Variants in MOB3A observed in about 807,000 individuals in gnomAD.
MOB3A encodes MOB kinase activator 3A, also known as MOB LAK.
A neutral mutation model predicts 17.8 loss-of-function variants in MOB3A; 17 were observed. The ratio of observed to expected loss-of-function variants is 0.95; its 90% CI spans 0.65 to 1.43. The LOEUF (loss-of-function observed/expected upper bound fraction) is 1.43, where lower values mean the gene tolerates loss of function less well. Ranked by LOEUF, MOB3A falls within the 40% of genes most tolerant of loss-of-function variation. The probability of loss-of-function intolerance (pLI) is 0.00; values close to 1 mark genes in which losing one functional copy is unlikely to be tolerated. For missense variants in MOB3A, 333 were observed against 310.8 expected, an observed-to-expected ratio of 1.07 and a Z score of -0.54; for synonymous variants, 124 against 133.2, an observed-to-expected ratio of 0.93 and a Z score of 0.48.
chr19:2,081,828 G>C lies in MOB3A; in HGVS notation c.-119-3149C>G, dbSNP rs1409168608. ...GAACCTGGGAGGCAGAGGTTGCAGT[G>C]AGCCAAGGTCGGGCCTCTGTACTCC... is the stretch of plus-strand genomic sequence containing the variant. On this transcript the variant is annotated intron_variant, in intron 2 of 4. Coordinates refer to ENST00000357066, the MANE Select transcript of MOB3A (RefSeq NM_130807.3). Among the ~76,000 whole-genome samples the C allele has an allele frequency of 2.6e-5, 4 of 152,216 alleles. No homozygotes were observed. The East Asian group carries it at 5.8e-4, about 22-fold the overall frequency.
At chr19:2,088,555 C>T (rs1212518500) in intron 1 of MOB3A, among the ~76,000 whole-genome samples, 1 of 152,146 alleles carries the variant, frequency 6.6e-6, no homozygotes, top group African/African-American at 2.4e-5. Flanking sequence ...GCAACCTCCG[C>T]CTCACGGGTT....
In MOB3A at chr19:2,081,960, G is replaced by A. The variant is rs564965835; in HGVS notation, c.-120+3215C>T. On this transcript the variant is annotated intron_variant, in intron 2 of 4. Coordinates refer to ENST00000357066, the MANE Select transcript of MOB3A (RefSeq NM_130807.3). ...GAGTCTGCACCATAAGAAGGTCCAGGGTCAATGGTTTGTCACAAGGGAGCC... is the reference window on the plus strand; with the variant it reads ...GAGTCTGCACCATAAGAAGGTCCAGAGTCAATGGTTTGTCACAAGGGAGCC... 8.9e-4 allele frequency among the ~76,000 whole-genome samples: 135 copies of A among 152,280 alleles called. 3 individuals are homozygous for A. The South Asian group carries it at 0.027, about 31-fold the overall frequency.
chr19:2,080,090 C>T (rs2017467633), intron 2 of MOB3A, among the ~76,000 whole-genome samples: 1 of 152,222 alleles, frequency 6.6e-6, no homozygotes, highest in Non-Finnish European at 1.5e-5. Context: ...ATTGTCACTG[C>T]CAGGACGCCG....
At chr19:2,080,430 T>G (rs1023729397) in intron 2 of MOB3A, among the ~76,000 whole-genome samples, 5 of 151,618 alleles carry the variant, frequency 3.3e-5, no homozygotes, top group African/African-American at 4.8e-5. Flanking sequence ...CAGGCTGGAG[T>G]GCAGTAGCGC....
rs541597008 is a variant in MOB3A, at chr19:2,081,348, G to C, written c.-119-2669C>G. 1.8e-3 allele frequency among the ~76,000 whole-genome samples: 280 copies of C among 152,316 alleles called. 1 individual carries two copies. Among genetic ancestry groups the C allele is most frequent in the Non-Finnish European group, 2.9e-3 (198 of 68,018 alleles). ...CACGCCTGTAATCCCGGCACTTTGG[G>C]AGGCCGAGGCGGGTGGATCACCTGA... is the stretch of plus-strand genomic sequence containing the variant. On this transcript the variant is annotated intron_variant, in intron 2 of 4. Transcript: ENST00000357066.
intron 4 of MOB3A, among the ~76,000 whole-genome samples, chr19:2,074,479 T>A (rs186048517): frequency 6.6e-6 from 1 of 152,156 alleles, no homozygotes; most frequent in African/African-American, 2.4e-5. Flanking sequence ...AATTTTAAAT[T>A]TAGCAAAATG....
rs993654780 is a variant in MOB3A at position 2,073,027 on chromosome 19, C to T, written c.*368G>A. 1.7e-5 allele frequency: 5 copies of T among 288,272 alleles called. No homozygotes were observed. Among genetic ancestry groups the T allele is most frequent in the South Asian group, 1.2e-4 (2 of 16,102 alleles). The allele number at this position is 288,272 out of a possible 1,614,324, so 17.9% of individuals were successfully genotyped here. A position where few individuals can be genotyped will look rare whatever the true frequency, so the allele number is the denominator to read the frequency against. ...CACAGCAGCCCTGGGGGCTCCCCAGCGAGGTGGAGGCAGAAGTTCCAGGAG... is the reference window on the plus strand; with the variant it reads ...CACAGCAGCCCTGGGGGCTCCCCAGTGAGGTGGAGGCAGAAGTTCCAGGAG... On this transcript the variant is annotated 3_prime_UTR_variant, in exon 5 of 5. Coordinates refer to ENST00000357066, the MANE Select transcript of MOB3A (RefSeq NM_130807.3).
At chr19:2,094,188 G>C (rs775285448) in intron 1 of MOB3A, among the ~76,000 whole-genome samples, 2 of 151,518 alleles carry the variant, frequency 1.3e-5, no homozygotes, top group Admixed American at 6.6e-5. Flanking sequence ...CTGGGACTAC[G>C]GGCACCCGCC....
At position 2,073,424 on chromosome 19, in the gene MOB3A, T is replaced by C. The variant is rs755588493; in HGVS notation, c.625A>G (p.Lys209Glu). 3 of 1,613,810 alleles carry C rather than the reference T, an allele frequency of 1.9e-6. No homozygotes were observed. The highest frequency in any genetic ancestry group is 2.5e-6 in the Non-Finnish European group (3 of 1,180,004). Residue 209 changes from lysine to glutamate, a missense_variant and splice_region_variant, in exon 5 of 5, where the codon AAA becomes GAA. Transcript: ENST00000357066. ...TGGCACATCCGGGCGGTCATTTCTT[T>C]CTGTAAAGAGCAAGCAAGACATCAG... ...LIDTKELEPL[K>E]EMTARMCH
chr19:2,086,896 A>G (rs1340828432), intron 1 of MOB3A, among the ~76,000 whole-genome samples: 1 of 152,052 alleles, frequency 6.6e-6, no homozygotes, highest in Admixed American at 6.6e-5. Flanking sequence ...GGCTCAAGTG[A>G]TCCTCCCACC....
chr19:2,073,516 A>C, intron 4 of MOB3A, 92 bp from the exon 5 acceptor site: 1 of 1,559,642 alleles, frequency 6.4e-7, no homozygotes, highest in East Asian at 2.2e-5. Context: ...CAGGCAGAGA[A>C]ACGGCAGCTG....
Position 2,078,158 on chromosome 19 carries a change from G to A in MOB3A, c.403C>T (p.Leu135Phe). 4 of 1,579,514 alleles carry A rather than the reference G, an allele frequency of 2.5e-6. No individual in the cohort carries two copies. Among genetic ancestry groups the A allele is most frequent in the Non-Finnish European group, 3.5e-6 (4 of 1,157,164 alleles). Residue 135 changes from leucine (L) to phenylalanine (F), a missense_variant, in exon 3 of 5, where the codon CTC becomes TTC. Coordinates refer to ENST00000357066, the MANE Select transcript of MOB3A (RefSeq NM_130807.3). ...WIEAQINNED[L>F]FPTNVGTPFP... ...GACTCACCAACGTTGGTGGGGAAGA[G>A]GTCCTCGTTGTTGATCTGCGCCTCG... is the stretch of plus-strand genomic sequence containing the variant.
At position 2,073,481 on chromosome 19, in the gene MOB3A, C is replaced by T. The variant is rs368298669; in HGVS notation, c.625-57G>A. On this transcript the variant is annotated intron_variant, in intron 4 of 4. Coordinates refer to ENST00000357066, the MANE Select transcript of MOB3A (RefSeq NM_130807.3). ...CCAGCCACTCCTAAAAGGGGTGATG[C>T]GAACAGCAGACACACGGAGACGCAC... is the stretch of plus-strand genomic sequence containing the variant. 1.6e-5 allele frequency: 25 copies of T among 1,608,684 alleles called. No individual in the cohort carries two copies. The East Asian group carries it at 1.6e-4, about 10-fold the overall frequency.
At chr19:2,084,153 C>T in intron 2 of MOB3A, 1 of 501,582 alleles carries the variant, frequency 2.0e-6, no homozygotes, top group Admixed American at 2.0e-5. Context: ...GACAGGGCAG[C>T]CCGAGGAGCT....
intron 4 of MOB3A, among the ~76,000 whole-genome samples, chr19:2,076,378 G>A (rs943926793): frequency 2.0e-5 from 3 of 152,136 alleles, no homozygotes; most frequent in Non-Finnish European, 2.9e-5. Flanking sequence ...GTTGCAGTGA[G>A]CCGAGATCGC....
At position 2,093,390 on chromosome 19, in the gene MOB3A, T is replaced by G. The variant is rs996700210; in HGVS notation, c.-274+2836A>C. On this transcript the variant is annotated intron_variant, in intron 1 of 4. Transcript: ENST00000357066. This position sits in a 1 kb window ranked among gnomAD's most constrained non-coding sequence, Gnocchi z 4.6. Reference sequence around the variant, plus strand: ...CTGGCATTTAGAAGGTCAAATGGCTTAAGCTGAAAAGGCAAATCCGACTTC... The same window carrying G: ...CTGGCATTTAGAAGGTCAAATGGCTGAAGCTGAAAAGGCAAATCCGACTTC... Among the ~76,000 whole-genome samples the G allele has an allele frequency of 6.6e-6, 1 of 152,154 alleles. No individual in the cohort carries two copies. Among genetic ancestry groups the G allele is most frequent in the African/African-American group, 2.4e-5 (1 of 41,448 alleles).
rs1047740124 is a variant in MOB3A at position 2,082,426 on chromosome 19, C to T, written c.-120+2749G>A. Reference sequence around the variant, plus strand: ...GTGTCCCTTTGGGTTAAGATTAGATCGCCCTGGGTGAGATCGTGGCTCAGA... The same window carrying T: ...GTGTCCCTTTGGGTTAAGATTAGATTGCCCTGGGTGAGATCGTGGCTCAGA... On this transcript the variant is annotated intron_variant, in intron 2 of 4. Transcript: ENST00000357066. The surrounding 1 kb of genome is among the most constrained non-coding windows in gnomAD (Gnocchi z 4.1). Among the ~76,000 whole-genome samples, 3 of 152,196 alleles carry T rather than the reference C, an allele frequency of 2.0e-5. No individual in the cohort carries two copies. The highest frequency in any genetic ancestry group is 2.9e-5 in the Non-Finnish European group (2 of 68,028).
At chr19:2,074,089 C>T (rs1208029998) in intron 4 of MOB3A, among the ~76,000 whole-genome samples, 1 of 151,754 alleles carries the variant, frequency 6.6e-6, no homozygotes, top group Non-Finnish European at 1.5e-5. Context: ...GTCAGGAGAT[C>T]GAGACCATCC....
At chr19:2,090,300 A>G (rs1464817290) in intron 1 of MOB3A, 1 of 152,108 alleles carries the variant, frequency 6.6e-6, no homozygotes, top group Non-Finnish European at 1.5e-5. Context: ...ACCCCCGACC[A>G]CTTCCTTTTT....
Sources: gnomAD v4.1 joint callset for allele counts (sites outside exome capture counted in the v4.1 genomes callset) on GRCh38, gnomAD v4.1.1 for gene constraint, Gnocchi (gnomAD v3.1) non-coding constraint, MANE v1.5 for transcripts, NCBI Gene and HGNC (gene_info 2026-07-23, HGNC 2026-07-21) for gene names.